ATE1: variants seen among roughly 807,000 people sequenced by gnomAD.
The protein encoded by ATE1 is arginyltransferase 1.
A neutral mutation model predicts 70.5 loss-of-function variants in ATE1; 36 were observed. That is an observed-to-expected ratio of 0.51 (90% CI 0.39 to 0.67). ATE1 has a LOEUF of 0.67. Among genes scored for constraint, ATE1 ranks in the 30% least tolerant of loss-of-function variants. The probability of loss-of-function intolerance (pLI) is 0.00; values close to 1 mark genes in which losing one functional copy is unlikely to be tolerated. For synonymous variants in ATE1, 232 were observed against 219.3 expected, an observed-to-expected ratio of 1.06 and a Z score of -0.51; for missense variants, 593 against 629.5, an observed-to-expected ratio of 0.94 and a Z score of 0.62.
chr10:121,875,572 T>A (rs1950026320), intron 7 of ATE1, among the ~76,000 whole-genome samples: 1 of 152,178 alleles, frequency 6.6e-6, no homozygotes, highest in African/African-American at 2.4e-5. Context: ...CCCAAACTGC[T>A]GGGATTACAG....
At chr10:121,813,763 C>T (rs1947420788) in intron 10 of ATE1, among the ~76,000 whole-genome samples, 1 of 152,194 alleles carries the variant, frequency 6.6e-6, no homozygotes, top group South Asian at 2.1e-4. Context: ...AGGCCCCAGC[C>T]TGTATTTTCA....
At chr10:121,853,398 C>G (rs1183051363) in intron 8 of ATE1, among the ~76,000 whole-genome samples, 1 of 147,962 alleles carries the variant, frequency 6.8e-6, no homozygotes, top group Non-Finnish European at 1.5e-5. Flanking sequence ...TGAAGAATTA[C>G]TAGTTCAGGT....
intron 11 of ATE1, among the ~76,000 whole-genome samples, chr10:121,782,902 T>C (rs1456504817): frequency 6.6e-6 from 1 of 152,174 alleles, no homozygotes; most frequent in Non-Finnish European, 1.5e-5. Flanking sequence ...GACTCTCAGT[T>C]CTTCAGTTTC....
At chr10:121,786,165 T>A (rs10886985) in intron 11 of ATE1, among the ~76,000 whole-genome samples, 68,139 of 148,014 alleles carry the variant, frequency 0.46, 15,673 homozygotes, top group East Asian at 0.56. Flanking sequence ...GGGGGAATCA[T>A]AGGATAGTGC....
chr10:121,785,193 T>C (rs534747607), intron 11 of ATE1, among the ~76,000 whole-genome samples: 2 of 152,260 alleles, frequency 1.3e-5, no homozygotes, highest in African/African-American at 4.8e-5. Context: ...AATGCAGATA[T>C]GAAAACGATT....
intron 10 of ATE1, among the ~76,000 whole-genome samples, chr10:121,817,271 C>A (rs573567031): frequency 6.6e-6 from 1 of 152,174 alleles, no homozygotes; most frequent in Admixed American, 6.5e-5. Context: ...CCGGGCACAG[C>A]GGCTCACGCC....
intron 5 of ATE1, among the ~76,000 whole-genome samples, chr10:121,905,753 G>A (rs1021596712): frequency 6.6e-6 from 1 of 152,108 alleles, no homozygotes; most frequent in African/African-American, 2.4e-5. Flanking sequence ...CCTGAGGCAG[G>A]AGAATCGCTC....
At chr10:121,745,150 T>C (rs1944298101) in intron 11 of ATE1, among the ~76,000 whole-genome samples, 1 of 152,200 alleles carries the variant, frequency 6.6e-6, no homozygotes, top group South Asian at 2.1e-4. Flanking sequence ...AATATTACCT[T>C]AGGTTTCTAT....
intron 1 of ATE1, among the ~76,000 whole-genome samples, chr10:121,925,605 T>G (rs928249080): frequency 3.9e-5 from 6 of 152,026 alleles, no homozygotes; most frequent in African/African-American, 1.4e-4. Context: ...CATGAGGTGG[T>G]GGCTCAAGCC....
intron 10 of ATE1, among the ~76,000 whole-genome samples, chr10:121,800,908 G>T (rs1321704604): frequency 6.6e-6 from 1 of 152,096 alleles, no homozygotes; most frequent in Non-Finnish European, 1.5e-5. Flanking sequence ...CAACACCAGT[G>T]GAATCCCATC....
chr10:121,895,255 C>T (rs1302852968), intron 7 of ATE1, among the ~76,000 whole-genome samples: 1 of 152,178 alleles, frequency 6.6e-6, no homozygotes, highest in East Asian at 1.9e-4. Context: ...AAATACACAT[C>T]CACATAAAAA....
chr10:121,868,065 G>T (rs184760770), intron 8 of ATE1, among the ~76,000 whole-genome samples: 13 of 152,014 alleles, frequency 8.6e-5, no homozygotes, highest in Admixed American at 3.9e-4. Context: ...TAGAAAGGAT[G>T]AAGTTTATAA....
Position 121,899,939 on chromosome 10 carries a change from T to C in ATE1, c.869A>G (p.Glu290Gly), listed in dbSNP as rs887492651. 1.1e-5 allele frequency: 17 copies of C among 1,614,046 alleles called. No homozygotes were observed. Among genetic ancestry groups the C allele is most frequent in the Non-Finnish European group, 1.4e-5 (17 of 1,179,934 alleles). Reference protein sequence around the residue: ...PSSQFKATLLESYQVYKRYQM... With the variant: ...PSSQFKATLLGSYQVYKRYQM... ...GTAACGTTTATAGACCTGGTAAGAC[T>C]CCAGAAGTGTGGCTTTGAACTGCGA... The change falls in exon 7 of 12, where the codon GAG (glutamate) becomes GGG (glycine). Residue 290 changes from glutamate to glycine, a missense_variant. Coordinates refer to ENST00000224652, the MANE Select transcript of ATE1 (RefSeq NM_001001976.3).
At chr10:121,766,451 A>C (rs1945281411) in intron 11 of ATE1, among the ~76,000 whole-genome samples, 1 of 152,150 alleles carries the variant, frequency 6.6e-6, no homozygotes, top group Admixed American at 6.6e-5. Context: ...AAGACTCTGA[A>C]AAGTGAGAGA....
chr10:121,787,774 T>C (rs577224336), intron 11 of ATE1, among the ~76,000 whole-genome samples: 22 of 152,338 alleles, frequency 1.4e-4, no homozygotes, highest in African/African-American at 5.1e-4. Flanking sequence ...TTGCCATGTT[T>C]GTTAGTATTT....
At chr10:121,772,365 TATAA>T (rs1945554309) in intron 11 of ATE1, among the ~76,000 whole-genome samples, 1 of 152,254 alleles carries the variant, frequency 6.6e-6, no homozygotes, top group Non-Finnish European at 1.5e-5. Flanking sequence ...CTGAATGTGT[TATAA>T]ATGTTGAAAT....
At chr10:121,781,587 C>CTCCTG (rs1420910342) in intron 11 of ATE1, among the ~76,000 whole-genome samples, 7 of 152,214 alleles carry the variant, frequency 4.6e-5, no homozygotes, top group Admixed American at 4.6e-4. Flanking sequence ...CTAGACCCTA[C>CTCCTG]TCCTGTTCCA....
intron 10 of ATE1, among the ~76,000 whole-genome samples, chr10:121,816,803 C>T (rs1288863173): frequency 1.3e-5 from 2 of 152,184 alleles, no homozygotes; most frequent in Non-Finnish European, 2.9e-5. Flanking sequence ...TGTCTATAGC[C>T]ATATGACCCT....
At chr10:121,757,576 T>C (rs1446430259) in intron 11 of ATE1, among the ~76,000 whole-genome samples, 2 of 152,194 alleles carry the variant, frequency 1.3e-5, no homozygotes, top group African/African-American at 4.8e-5. Context: ...ACAATCATGG[T>C]GGAAGGCAAG....
Sources: allele counts gnomAD v4.1 joint callset (sites outside exome capture counted in the v4.1 genomes callset), GRCh38; gene constraint gnomAD v4.1.1; transcripts MANE v1.5; gene names NCBI Gene and HGNC (gene_info 2026-07-23, HGNC 2026-07-21).